The following DIP2C variants were observed in gnomAD, a reference collection of about 807,000 sequenced individuals.
The protein encoded by DIP2C is disco-interacting protein 2 homolog C.
DIP2C carries 33 observed loss-of-function variants against 192.4 expected under a neutral mutation model. The observed-to-expected ratio is 0.17, with a 90% CI of 0.13 to 0.23. The LOEUF (loss-of-function observed/expected upper bound fraction) is 0.23, where lower values mean the gene tolerates loss of function less well. Ranked by LOEUF, DIP2C falls within the 10% of genes least tolerant of loss-of-function variation. The pLI is 1.00. For missense variants in DIP2C, 1,537 were observed against 2,110.1 expected, an observed-to-expected ratio of 0.73 and a Z score of 5.32; for synonymous variants, 979 against 864.1, an observed-to-expected ratio of 1.13 and a Z score of -2.33.
chr10:525,987 AC>A (rs1242512817), intron 1 of DIP2C, among the ~76,000 whole-genome samples: 1 of 151,974 alleles, frequency 6.6e-6, no homozygotes, highest in Non-Finnish European at 1.5e-5. Flanking sequence ...AGGCAGTGGA[AC>A]CCCCGCACAC....
intron 5 of DIP2C, among the ~76,000 whole-genome samples, chr10:422,314 C>T (rs1249843164): frequency 1.3e-5 from 2 of 152,212 alleles, no homozygotes; most frequent in African/African-American, 2.4e-5. Flanking sequence ...TTTTCCACAG[C>T]ATGTTCAAAC....
chr10:349,879 A>T (rs1243584756), intron 24 of DIP2C, among the ~76,000 whole-genome samples: 1 of 152,254 alleles, frequency 6.6e-6, no homozygotes, highest in Non-Finnish European at 1.5e-5. Context: ...GAAAGACCAC[A>T]TCAAAAATCA....
At chr10:562,066 G>A (rs185962035) in intron 1 of DIP2C, among the ~76,000 whole-genome samples, 1 of 152,350 alleles carries the variant, frequency 6.6e-6, no homozygotes, top group Admixed American at 6.5e-5. Flanking sequence ...AGAAAAATGT[G>A]TAAGCTTTAC....
intron 13 of DIP2C, among the ~76,000 whole-genome samples, chr10:388,073 C>T (rs1963131766): frequency 6.6e-6 from 1 of 152,036 alleles, no homozygotes; most frequent in Admixed American, 6.6e-5. Context: ...GTTCCTTCTC[C>T]TTTTATATAT....
rs189904913 is a variant in DIP2C, at chr10:401,216, A to C, written c.1150-1997T>G. On this transcript the variant is annotated intron_variant, in intron 9 of 36. Transcript: ENST00000280886. ...GGTAGCATTAGCATTACTCTTCCTT[A>C]TGGACAAGTTTGGTACATTTTCATC... 5.6e-3 allele frequency among the ~76,000 whole-genome samples: 844 copies of C among 150,776 alleles called. 7 individuals carry two copies. Among genetic ancestry groups the C allele is most frequent in the Middle Eastern group, 0.018 (5 of 284 alleles).
chr10:637,057 G>C (rs1854881050), intron 1 of DIP2C, among the ~76,000 whole-genome samples: 2 of 152,250 alleles, frequency 1.3e-5, no homozygotes, highest in African/African-American at 4.8e-5. Context: ...GCACAGGCGT[G>C]GGGCAAGAAC....
intron 4 of DIP2C, among the ~76,000 whole-genome samples, chr10:439,396 C>T (rs947343677): frequency 5.8e-5 from 7 of 120,680 alleles, no homozygotes; most frequent in Non-Finnish European, 1.1e-4. Flanking sequence ...GTTCTTTAGA[C>T]GAAGATCACG....
intron 1 of DIP2C, among the ~76,000 whole-genome samples, chr10:586,628 T>C (rs537948202): frequency 6.6e-5 from 10 of 152,336 alleles, no homozygotes; most frequent in African/African-American, 1.9e-4. Flanking sequence ...CCTGTTCACA[T>C]AGTATTGAGT....
At chr10:585,802 A>T (rs1159541189) in intron 1 of DIP2C, among the ~76,000 whole-genome samples, 1 of 152,190 alleles carries the variant, frequency 6.6e-6, no homozygotes, top group Admixed American at 6.5e-5. Context: ...TTAATCACCA[A>T]CAACACTAGT....
chr10:545,079 CAA>C (rs1848207996), intron 1 of DIP2C, among the ~76,000 whole-genome samples: 1 of 149,272 alleles, frequency 6.7e-6, no homozygotes, highest in South Asian at 2.2e-4. Context: ...CCTAGAAACT[CAA>C]AATGTCACAG....
At chr10:291,918 CAGG>C (rs2132207236) in intron 32 of DIP2C, among the ~76,000 whole-genome samples, 1 of 152,318 alleles carries the variant, frequency 6.6e-6, no homozygotes, top group South Asian at 2.1e-4. Flanking sequence ...CAGAGGGGAG[CAGG>C]AGGACTCCAT....
chr10:447,909 C>T (rs1372105811), intron 3 of DIP2C, among the ~76,000 whole-genome samples: 1 of 121,040 alleles, frequency 8.3e-6, no homozygotes, highest in South Asian at 2.6e-4. Context: ...GCAGCAGGAC[C>T]CACTCATCCC....
At chr10:606,914 T>A (rs1236037368) in intron 1 of DIP2C, among the ~76,000 whole-genome samples, 55 of 152,266 alleles carry the variant, frequency 3.6e-4, no homozygotes, top group Admixed American at 7.8e-4. Flanking sequence ...GGCTGGGGTC[T>A]GAATAGGGGC....
chr10:412,573 A>T (rs1194148012), intron 8 of DIP2C, among the ~76,000 whole-genome samples: 1 of 152,216 alleles, frequency 6.6e-6, no homozygotes, highest in African/African-American at 2.4e-5. Flanking sequence ...CCATAAAAGC[A>T]AAGGGGCTAC....
intron 1 of DIP2C, among the ~76,000 whole-genome samples, chr10:494,356 C>A (rs970890002): frequency 1.3e-5 from 2 of 152,024 alleles, no homozygotes; most frequent in African/African-American, 4.8e-5. Context: ...CGCGCAGTGA[C>A]CTCAGCACCG....
chr10:588,446 G>A (rs911854468), intron 1 of DIP2C, among the ~76,000 whole-genome samples: 6 of 152,248 alleles, frequency 3.9e-5, no homozygotes, highest in African/African-American at 9.6e-5. Flanking sequence ...CTGAGGCTCC[G>A]CACTGGGTGA....
intron 1 of DIP2C, among the ~76,000 whole-genome samples, chr10:623,847 T>A (rs1854032469): frequency 6.6e-6 from 1 of 152,164 alleles, no homozygotes; most frequent in African/African-American, 2.4e-5. Context: ...CCCCTATGAA[T>A]GCTGCCAAAA....
At chr10:498,646 A>C (rs1845022012) in intron 1 of DIP2C, among the ~76,000 whole-genome samples, 1 of 152,144 alleles carries the variant, frequency 6.6e-6, no homozygotes, top group African/African-American at 2.4e-5. Flanking sequence ...TTCCCAGAGA[A>C]TATAATTTTT....
chr10:366,489 T>C, intron 18 of DIP2C, 78 bp from the exon 19 acceptor site: 2 of 1,592,642 alleles, frequency 1.3e-6, no homozygotes, highest in South Asian at 1.1e-5. Context: ...AAGACGCGAA[T>C]ATGAACGACA....
Sources: allele counts gnomAD v4.1 joint callset (sites outside exome capture counted in the v4.1 genomes callset), GRCh38; gene constraint gnomAD v4.1.1; transcripts MANE v1.5; gene names NCBI Gene and HGNC (gene_info 2026-07-23, HGNC 2026-07-21).